The following MTMR8 variants were observed in gnomAD, a reference collection of about 807,000 sequenced individuals.
The protein encoded by MTMR8 is phosphatidylinositol-3,5-bisphosphate 3-phosphatase MTMR8.
Under a neutral mutation model 39.3 loss-of-function variants are expected in MTMR8, and 65 were observed. The ratio of observed to expected loss-of-function variants is 1.65; its 90% CI spans 1.35 to 2.03. The LOEUF is 2.03. Ranked by LOEUF, MTMR8 falls within the 30% of genes most tolerant of loss-of-function variation. MTMR8 has a pLI of 0.00. For missense variants in MTMR8, 777 were observed against 538.9 expected, an observed-to-expected ratio of 1.44 and a Z score of -4.37; for synonymous variants, 245 against 185.2, an observed-to-expected ratio of 1.32 and a Z score of -2.62.
chrX:64,354,555 C>A (rs1353211422), intron 4 of MTMR8, among the ~76,000 whole-genome samples: 3 of 111,964 alleles, frequency 2.7e-5, no homozygotes, highest in Non-Finnish European at 5.6e-5. Flanking sequence ...TCATGCCCTG[C>A]ACCTATGCTC....
chrX:64,322,813 G>C (rs1257988812), intron 12 of MTMR8, among the ~76,000 whole-genome samples: 4 of 112,695 alleles, frequency 3.5e-5, no homozygotes, highest in Admixed American at 9.3e-5. Flanking sequence ...GCTCTGTCTT[G>C]CACATTCAGG....
At chrX:64,369,885 A>G (rs897920024) in intron 1 of MTMR8, among the ~76,000 whole-genome samples, 3 of 111,938 alleles carry the variant, frequency 2.7e-5, no homozygotes, top group African/African-American at 9.7e-5. Context: ...ATGTACATAC[A>G]GCAATATAAA....
chrX:64,272,750 G>A (rs1931789430), intron 12 of MTMR8, among the ~76,000 whole-genome samples: 1 of 111,319 alleles, frequency 9.0e-6, no homozygotes, highest in Admixed American at 9.5e-5. Context: ...AAAAGTCAAA[G>A]ACAGAGAGAA....
At chrX:64,294,103 C>T (rs1283844497) in intron 12 of MTMR8, among the ~76,000 whole-genome samples, 1 of 111,752 alleles carries the variant, frequency 8.9e-6, no homozygotes, top group Admixed American at 9.5e-5. Context: ...TCTCACCTGT[C>T]AATCCTCTGG....
chrX:64,283,449 CTCTG>C (rs1181882916), intron 12 of MTMR8, among the ~76,000 whole-genome samples: 1 of 112,108 alleles, frequency 8.9e-6, no homozygotes, highest in South Asian at 3.7e-4. Context: ...ATTTAAATGT[CTCTG>C]TCTGACAGCT....
chrX:64,318,973 G>A (rs775837064), intron 12 of MTMR8, among the ~76,000 whole-genome samples: 8 of 111,428 alleles, frequency 7.2e-5, no homozygotes, highest in African/African-American at 1.3e-4. Flanking sequence ...TAGCCACCAC[G>A]CTCAGCCTAA....
At chrX:64,308,541 A>G (rs1922199620) in intron 12 of MTMR8, among the ~76,000 whole-genome samples, 2 of 110,274 alleles carry the variant, frequency 1.8e-5, no homozygotes, top group African/African-American at 3.3e-5. Context: ...AGAATATAGT[A>G]TCATCTATTA....
chrX:64,337,388 C>T lies in MTMR8; in HGVS notation c.981G>A (p.Val327=). The T allele has an allele frequency of 8.3e-7, 1 of 1,208,552 alleles. No homozygotes were observed. The highest frequency in any genetic ancestry group is 1.1e-6 in the Non-Finnish European group (1 of 894,027). The change falls in exon 9 of 14, where the codon GTG becomes GTA. Residue 327 remains valine, a synonymous_variant. Transcript: ENST00000374852. ...MDAGIFITKA[V]KVEKASVLVH... is the part of the protein sequence containing the mutation. ...CTAAGACACTGGCCTTTTCTACCTTCACTGCCTGTGAAGACAAGAGGCAAA... is the reference window on the plus strand; with the variant it reads ...CTAAGACACTGGCCTTTTCTACCTTTACTGCCTGTGAAGACAAGAGGCAAA...
intron 6 of MTMR8, among the ~76,000 whole-genome samples, chrX:64,347,716 T>C (rs1923379464): frequency 8.9e-6 from 1 of 112,520 alleles, no homozygotes; most frequent in African/African-American, 3.2e-5. Flanking sequence ...TAAGCAAAAT[T>C]ATTTCTTTCT....
chrX:64,356,351 A>G lies in MTMR8; in HGVS notation c.148-13T>C, dbSNP rs1923625547. On this transcript the variant is annotated splice_polypyrimidine_tract_variant and intron_variant, in intron 2 of 13. Transcript: ENST00000374852. Reference sequence around the variant, plus strand: ...GATGGAGTGCAATCTGAAAAACATAAAAGAACCAGCGTAAACATACAGATG... The same window carrying G: ...GATGGAGTGCAATCTGAAAAACATAGAAGAACCAGCGTAAACATACAGATG... 2 of 1,195,451 alleles carry G rather than the reference A, an allele frequency of 1.7e-6. No individual in the cohort carries two copies. The highest frequency in any genetic ancestry group is 5.9e-5 in the East Asian group (2 of 33,663).
chrX:64,313,176 C>A (rs943475565), intron 12 of MTMR8, among the ~76,000 whole-genome samples: 7 of 112,313 alleles, frequency 6.2e-5, no homozygotes, highest in African/African-American at 2.3e-4. Flanking sequence ...GCAGCTTCTT[C>A]CAATAGAAAG....
chrX:64,283,135 G>C (rs1042482573), intron 12 of MTMR8, among the ~76,000 whole-genome samples: 1 of 112,028 alleles, frequency 8.9e-6, no homozygotes, highest in African/African-American at 3.2e-5. Flanking sequence ...CTAATACTGC[G>C]CTTTTCCAAT....
At chrX:64,359,343 A>T (rs1923714569) in intron 2 of MTMR8, 62 bp downstream of exon 2, 1 of 1,093,180 alleles carries the variant, frequency 9.1e-7, no homozygotes, top group Non-Finnish European at 1.2e-6. Context: ...AGAAACTACC[A>T]TATAGAGAGC....
chrX:64,383,703 A>G (rs1042322825), intron 1 of MTMR8, among the ~76,000 whole-genome samples: 8 of 110,402 alleles, frequency 7.2e-5, no homozygotes, highest in Non-Finnish European at 1.5e-4. Context: ...ACAGCACTAG[A>G]AGGATGGTAC....
At position 64,388,736 on chromosome X, in the gene MTMR8, C is replaced by T. The variant is rs746546982; in HGVS notation, c.24+6604G>A. On this transcript the variant is annotated intron_variant, in intron 1 of 13. Coordinates refer to ENST00000374852, the MANE Select transcript of MTMR8 (RefSeq NM_017677.4). ...TAATAGGCATGTACACACATGCACA[C>T]ACACAGTTCTGTGGTCAGCATAGGG... Among the ~76,000 whole-genome samples the T allele has an allele frequency of 2.0e-4, 23 of 112,598 alleles. 1 individual carries two copies. In the South Asian group the frequency reaches 7.1e-3, roughly 35 times the overall value.
intron 12 of MTMR8, among the ~76,000 whole-genome samples, chrX:64,315,927 G>A (rs1383503883): frequency 1.8e-5 from 2 of 110,725 alleles, no homozygotes; most frequent in African/African-American, 6.6e-5. Context: ...TTATATGTGT[G>A]CCTATACATA....
chrX:64,315,602 C>CT (rs998927765), intron 12 of MTMR8, among the ~76,000 whole-genome samples: 59 of 107,282 alleles, frequency 5.5e-4, no homozygotes, highest in Admixed American at 1.2e-3. Flanking sequence ...TCTTTCCATC[C>CT]TTTTTTTTTT....
At chrX:64,391,260 T>A (rs1468680946) in intron 1 of MTMR8, among the ~76,000 whole-genome samples, 1 of 112,305 alleles carries the variant, frequency 8.9e-6, no homozygotes. Context: ...TAGAAATTAC[T>A]TTTTTTGTGT....
chrX:64,394,064 C>A (rs1390598363), intron 1 of MTMR8, among the ~76,000 whole-genome samples: 1 of 111,834 alleles, frequency 8.9e-6, no homozygotes, highest in Non-Finnish European at 1.9e-5. Flanking sequence ...GGAGACCTCA[C>A]AATTATGGAG....
Sources: gnomAD v4.1 joint callset for allele counts (sites outside exome capture counted in the v4.1 genomes callset) on GRCh38, gnomAD v4.1.1 for gene constraint, MANE v1.5 for transcripts, NCBI Gene and HGNC (gene_info 2026-07-23, HGNC 2026-07-21) for gene names.